Variants in CTXND1 observed in about 807,000 individuals in gnomAD.
CTXND1 encodes the protein cortexin domain containing 1.
At chr15:80,212,303 G>A (rs1292101464) in intron 1 of CTXND1, among the ~76,000 whole-genome samples, 1 of 152,100 alleles carries the variant, frequency 6.6e-6, no homozygotes, top group Non-Finnish European at 1.5e-5. Context: ...AGTCTGCTTT[G>A]GGGTAACCTG....
intron 1 of CTXND1, among the ~76,000 whole-genome samples, chr15:80,215,189 C>T (rs925172358): frequency 6.6e-6 from 1 of 152,198 alleles, no homozygotes; most frequent in East Asian, 1.9e-4. Context: ...TGAAGCCACC[C>T]AATGTTGTCC....
intron 1 of CTXND1, among the ~76,000 whole-genome samples, chr15:80,234,019 G>T (rs1893463149): frequency 6.6e-6 from 1 of 152,202 alleles, no homozygotes; most frequent in Admixed American, 6.5e-5. Context: ...TCCCTCAGAA[G>T]AGGAGCAAGC....
chr15:80,205,586 C>T (rs890476373), intron 1 of CTXND1, among the ~76,000 whole-genome samples: 1 of 152,120 alleles, frequency 6.6e-6, no homozygotes, highest in African/African-American at 2.4e-5. Flanking sequence ...TTACATTTGT[C>T]TCATCTGAGT....
intron 1 of CTXND1, among the ~76,000 whole-genome samples, chr15:80,245,573 A>G (rs139020998): frequency 5.9e-5 from 9 of 152,274 alleles, no homozygotes; most frequent in East Asian, 5.8e-4. Flanking sequence ...TTGAAGTCAT[A>G]CAACATCACT....
intron 1 of CTXND1, among the ~76,000 whole-genome samples, chr15:80,213,355 C>T (rs1893220512): frequency 6.6e-6 from 1 of 152,132 alleles, no homozygotes; most frequent in Non-Finnish European, 1.5e-5. Flanking sequence ...CCCAGAAGTT[C>T]ACCATATAAT....
intron 1 of CTXND1, among the ~76,000 whole-genome samples, chr15:80,245,454 T>C (rs2141466056): frequency 6.6e-6 from 1 of 152,322 alleles, no homozygotes; most frequent in South Asian, 2.1e-4. Flanking sequence ...TGCAGTTACC[T>C]TCAGATCCTG....
intron 1 of CTXND1, among the ~76,000 whole-genome samples, chr15:80,211,853 C>G (rs775734966): frequency 3.3e-5 from 5 of 152,228 alleles, no homozygotes; most frequent in Non-Finnish European, 7.3e-5. Flanking sequence ...TGGTCTCACT[C>G]AGATCTCCTG....
intron 1 of CTXND1, among the ~76,000 whole-genome samples, chr15:80,234,959 C>A (rs904936708): frequency 6.6e-6 from 1 of 151,526 alleles, no homozygotes; most frequent in African/African-American, 2.4e-5. Context: ...ATGCAGAGAG[C>A]AGCAGGCTGA....
At chr15:80,240,927 G>C (rs1347533013) in intron 1 of CTXND1, among the ~76,000 whole-genome samples, 1 of 152,286 alleles carries the variant, frequency 6.6e-6, no homozygotes, top group African/African-American at 2.4e-5. Flanking sequence ...ATCCTGCTCT[G>C]TGCCAGGCTG....
At chr15:80,215,273 C>T (rs1051946042) in intron 1 of CTXND1, among the ~76,000 whole-genome samples, 2 of 152,188 alleles carry the variant, frequency 1.3e-5, no homozygotes, top group Non-Finnish European at 2.9e-5. Context: ...CTGGGGGAAT[C>T]GTGTTGGCCA....
intron 1 of CTXND1, among the ~76,000 whole-genome samples, chr15:80,249,348 C>T (rs569242319): frequency 6.3e-4 from 96 of 152,252 alleles, no homozygotes; most frequent in African/African-American, 2.2e-3. Context: ...CTGTGGGATT[C>T]TAACGGGACA....
chr15:80,225,116 G>T (rs1171135137), intron 1 of CTXND1, among the ~76,000 whole-genome samples: 1 of 152,214 alleles, frequency 6.6e-6, no homozygotes, highest in Non-Finnish European at 1.5e-5. Context: ...TGCTAACACA[G>T]ATTTCTAGGT....
At chr15:80,206,887 C>T (rs557590465) in intron 1 of CTXND1, among the ~76,000 whole-genome samples, 1 of 152,318 alleles carries the variant, frequency 6.6e-6, no homozygotes, top group African/African-American at 2.4e-5. Context: ...TTTAAGGCTT[C>T]CCACCAGTCC....
At chr15:80,213,330 G>A (rs952172382) in intron 1 of CTXND1, among the ~76,000 whole-genome samples, 6 of 152,234 alleles carry the variant, frequency 3.9e-5, no homozygotes, top group African/African-American at 1.4e-4. Flanking sequence ...CCAATGGTAG[G>A]TTGAATAATG....
chr15:80,202,607 C>T (rs1421286875), intron 2 of CTXND1, among the ~76,000 whole-genome samples: 1 of 152,124 alleles, frequency 6.6e-6, no homozygotes, highest in Non-Finnish European at 1.5e-5. Flanking sequence ...GACCACTGTG[C>T]CTGGTCTATC....
Position 80,201,954 on chromosome 15 carries a change from C to T in CTXND1, c.-5G>A, listed in dbSNP as rs146599538. 5.5e-5 allele frequency: 22 copies of T among 398,970 alleles called. No homozygotes were observed. Among genetic ancestry groups the T allele is most frequent in the Admixed American group, 1.3e-4 (3 of 22,746 alleles). The allele number at this position is 398,970 out of a possible 1,614,324, so 24.7% of individuals were successfully genotyped here. On this transcript the variant is annotated 5_prime_UTR_variant, in exon 3 of 3. Coordinates refer to ENST00000560778, the MANE Select transcript of CTXND1 (RefSeq NM_001352888.2). ...CTCGGGCGTGGGCTCCTCCATCTCG[C>T]GGCAGCGACTGCGGGCTGCTCCTCC...
chr15:80,239,368 C>A (rs534215946), intron 1 of CTXND1, among the ~76,000 whole-genome samples: 1 of 152,336 alleles, frequency 6.6e-6, no homozygotes, highest in African/African-American at 2.4e-5. Context: ...AGTATTGATC[C>A]TAGGTGTGTC....
At chr15:80,221,666 T>G (rs1893321489) in intron 1 of CTXND1, among the ~76,000 whole-genome samples, 1 of 152,234 alleles carries the variant, frequency 6.6e-6, no homozygotes, top group African/African-American at 2.4e-5. Flanking sequence ...TTTTTTGTTC[T>G]TTTTCTAGCT....
At chr15:80,248,012 C>G (rs1893653628) in intron 1 of CTXND1, among the ~76,000 whole-genome samples, 1 of 152,186 alleles carries the variant, frequency 6.6e-6, no homozygotes, top group Non-Finnish European at 1.5e-5. Flanking sequence ...GGGCACCAGA[C>G]TTATCTTCCA....
Sources: allele counts gnomAD v4.1 joint callset (sites outside exome capture counted in the v4.1 genomes callset), GRCh38; gene constraint gnomAD v4.1.1; transcripts MANE v1.5; gene names NCBI Gene and HGNC (gene_info 2026-07-23, HGNC 2026-07-21).